Variants in ANKMY1 observed in about 807,000 individuals in gnomAD.
ANKMY1 encodes ankyrin repeat and MYND domain-containing protein 1.
ANKMY1 carries 98 observed loss-of-function variants against 102.0 expected under a neutral mutation model. The ratio of observed to expected loss-of-function variants is 0.96; its 90% CI spans 0.82 to 1.14. The LOEUF (loss-of-function observed/expected upper bound fraction) is 1.14, where lower values mean the gene tolerates loss of function less well. Among genes scored for constraint, ANKMY1 ranks in the 50% most tolerant of loss-of-function variants. The pLI, the probability that ANKMY1 is intolerant of heterozygous loss-of-function variation, is 0.00. For synonymous variants in ANKMY1, 582 were observed against 559.9 expected (o/e 1.04, Z -0.56); for missense variants, 1,330 against 1,347.6 (o/e 0.99, Z 0.20).
chr2:240,532,854 G>A (rs554848328), intron 4 of ANKMY1, among the ~76,000 whole-genome samples: 3 of 152,246 alleles, frequency 2.0e-5, no homozygotes, highest in Non-Finnish European at 2.9e-5. Flanking sequence ...ACAGGTGCAC[G>A]CCATCATGCC....
chr2:240,491,152 C>A (rs2076610357), intron 15 of ANKMY1, among the ~76,000 whole-genome samples: 1 of 147,890 alleles, frequency 6.8e-6, no homozygotes, highest in Admixed American at 6.8e-5. Context: ...ATAAGTATAC[C>A]TAGTTACTCC....
intron 15 of ANKMY1, among the ~76,000 whole-genome samples, chr2:240,494,215 TGA>T (rs1181055620): frequency 6.6e-6 from 1 of 152,034 alleles, no homozygotes; most frequent in African/African-American, 2.4e-5. Context: ...AGTGCTCAGG[TGA>T]GAGATGGTAG....
rs74001702 is a variant in ANKMY1 at position 240,555,212 on chromosome 2, G to A, written c.147-157C>T. 3,706 of 746,500 alleles carry A rather than the reference G, an allele frequency of 5.0e-3. 83 individuals are homozygous for A. The African/African-American group carries it at 0.052, about 11-fold the overall frequency. 46.2% of individuals were successfully genotyped at this position (746,500 alleles called of 1,614,324 possible). On this transcript the variant is annotated intron_variant, in intron 2 of 17. Transcript: ENST00000401804. ...CCCCACTCCACTTGGAGAGAAAACC[G>A]AGGCACAGAGGGTGCAGCGATTGCC... is the stretch of plus-strand genomic sequence containing the variant.
At chr2:240,557,470 C>G in intron 1 of ANKMY1, 118 bp from the exon 2 acceptor site, 1 of 1,234,004 alleles carries the variant, frequency 8.1e-7, no homozygotes, top group Non-Finnish European at 1.1e-6. Flanking sequence ...CCTCCCTGAA[C>G]CGCGCCGGAG....
At chr2:240,515,557 G>A (rs2081046122) in intron 9 of ANKMY1, among the ~76,000 whole-genome samples, 1 of 151,950 alleles carries the variant, frequency 6.6e-6, no homozygotes, top group Non-Finnish European at 1.5e-5. Flanking sequence ...AAAGAAAATT[G>A]TAAAAGGTTA....
chr2:240,471,225 G>C, the ANKMY1 span, among the ~76,000 whole-genome samples: 1 of 151,114 alleles, frequency 6.6e-6, no homozygotes, highest in Admixed American at 6.6e-5. Flanking sequence ...TTCCCTCAGA[G>C]AAATCACAAC....
intron 15 of ANKMY1, among the ~76,000 whole-genome samples, chr2:240,493,777 C>G (rs936897383): frequency 6.6e-6 from 1 of 152,116 alleles, no homozygotes; most frequent in African/African-American, 2.4e-5. Flanking sequence ...GTGGTGTACA[C>G]TGGCACTTGT....
the ANKMY1 span, among the ~76,000 whole-genome samples, chr2:240,472,547 GT>G: frequency 5.9e-5 from 9 of 152,164 alleles, no homozygotes; most frequent in Non-Finnish European, 1.3e-4. Context: ...GTGCACCCTT[GT>G]CCCAGAGCTA....
intron 4 of ANKMY1, among the ~76,000 whole-genome samples, chr2:240,533,076 A>T (rs1319490414): frequency 6.6e-6 from 1 of 152,270 alleles, no homozygotes; most frequent in Admixed American, 6.5e-5. Context: ...GAGTTAAAAA[A>T]TAGTCTAAGT....
At chr2:240,493,326 CA>C (rs879353827) in intron 15 of ANKMY1, among the ~76,000 whole-genome samples, 4 of 149,890 alleles carry the variant, frequency 2.7e-5, no homozygotes, top group East Asian at 2.0e-4. Flanking sequence ...GACTCCATCT[CA>C]AAAAAAAAAT....
In ANKMY1 at chr2:240,507,650, C is replaced by A. The variant is rs886223319; in HGVS notation, c.2436G>T (p.Leu812=). The A allele has an allele frequency of 3.1e-6, 5 of 1,611,322 alleles. No homozygotes were observed. Among genetic ancestry groups the A allele is most frequent in the Non-Finnish European group, 2.5e-6 (3 of 1,178,618 alleles). The part of the protein sequence containing the change: ...ELLTQGADPN[L]PLTKGLGSAL... Reference sequence around the variant, plus strand: ...CACTGCCCAAGCCTTTGGTCAGGGGCAGGTTGGGGTCAGCTCCCTGGGTCA... The same window carrying A: ...CACTGCCCAAGCCTTTGGTCAGGGGAAGGTTGGGGTCAGCTCCCTGGGTCA... Residue 812 remains leucine (L), a synonymous_variant, in exon 13 of 18, where the codon CTG becomes CTT. Coordinates refer to ENST00000401804, the MANE Select transcript of ANKMY1 (RefSeq NM_001282771.3).
At chr2:240,482,349 GTGCC>G in intron 15 of ANKMY1, 88 bp from the exon 16 acceptor site, 1 of 1,216,740 alleles carries the variant, frequency 8.2e-7, no homozygotes, top group Non-Finnish European at 1.2e-6. Context: ...CCTCCCTGTG[GTGCC>G]TGCCTGCACT....
chr2:240,492,185 G>A (rs953727210), intron 15 of ANKMY1, among the ~76,000 whole-genome samples: 1 of 152,046 alleles, frequency 6.6e-6, no homozygotes, highest in African/African-American at 2.4e-5. Context: ...TAGAGATAGG[G>A]TCTTGCTATG....
chr2:240,500,152 G>T, intron 14 of ANKMY1, 29 bp from the exon 15 acceptor site: 2 of 1,553,154 alleles, frequency 1.3e-6, no homozygotes, highest in African/African-American at 1.4e-5. Context: ...GTCACCACAG[G>T]GTCCCGGGCC....
At chr2:240,498,551 T>A (rs1574959587) in intron 15 of ANKMY1, among the ~76,000 whole-genome samples, 1 of 90,864 alleles carries the variant, frequency 1.1e-5, no homozygotes, top group Non-Finnish European at 2.4e-5. Flanking sequence ...GCTGTGGGGG[T>A]GGAGCTGAGG....
chr2:240,538,016 G>C lies in ANKMY1; in HGVS notation c.481-8507C>G, dbSNP rs140734055. On this transcript the variant is annotated intron_variant, in intron 4 of 17. Coordinates refer to ENST00000401804, the MANE Select transcript of ANKMY1 (RefSeq NM_001282771.3). The stretch of plus-strand genomic sequence containing the variant: ...GCTGGAGTCTCTCTGAATCTGCTGT[G>C]ATTCTGGGGGCTGCCTGATTCATCA... Among the ~76,000 whole-genome samples the C allele has an allele frequency of 2.0e-5, 3 of 152,356 alleles. No homozygotes were observed. The East Asian group carries it at 5.8e-4, about 29-fold the overall frequency.
At chr2:240,534,721 T>A (rs1428599189) in intron 4 of ANKMY1, among the ~76,000 whole-genome samples, 1 of 152,200 alleles carries the variant, frequency 6.6e-6, no homozygotes, top group Non-Finnish European at 1.5e-5. Context: ...GACAGAATTA[T>A]AAGAATAATA....
In ANKMY1 at chr2:240,500,559, G is replaced by A. The variant is rs371478661; in HGVS notation, c.2533C>T (p.Arg845Ter). 6.3e-5 allele frequency: 102 copies of A among 1,613,592 alleles called. No individual in the cohort carries two copies. The highest frequency in any genetic ancestry group is 3.3e-4 in the Middle Eastern group (2 of 6,084). Residue 845 changes from arginine (R) to a stop codon, truncating the protein, a stop_gained, in exon 14 of 18, where the codon CGA becomes TGA. Coordinates refer to ENST00000401804, the MANE Select transcript of ANKMY1 (RefSeq NM_001282771.3). LOFTEE classifies it high-confidence loss of function. ...ATGTCGGCCCCGTGACTGATGAGTCGGTCAATCTGTGGAGAACAGAACCAG... is the reference window on the plus strand; with the variant it reads ...ATGTCGGCCCCGTGACTGATGAGTCAGTCAATCTGTGGAGAACAGAACCAG... ...NMDSKLALID[R>*]LISHGADILK...
At chr2:240,544,339 T>A (rs1311777889) in intron 4 of ANKMY1, among the ~76,000 whole-genome samples, 1 of 152,236 alleles carries the variant, frequency 6.6e-6, no homozygotes, top group Non-Finnish European at 1.5e-5. Flanking sequence ...CATATGTAAT[T>A]TTTTCCTGTT....
Sources: gnomAD v4.1 joint callset for allele counts (sites outside exome capture counted in the v4.1 genomes callset) on GRCh38, gnomAD v4.1.1 for gene constraint, MANE v1.5 for transcripts, NCBI Gene and HGNC (gene_info 2026-07-23, HGNC 2026-07-21) for gene names.